Variants in ADK observed in about 807,000 individuals in gnomAD.
The protein encoded by ADK is adenosine kinase.
Under a neutral mutation model 44.7 loss-of-function variants are expected in ADK, and 24 were observed. The ratio of observed to expected loss-of-function variants is 0.54; its 90% CI spans 0.39 to 0.76. The LOEUF (loss-of-function observed/expected upper bound fraction) is 0.76. Ranked by LOEUF, ADK falls within the 30% of genes least tolerant of loss-of-function variation. The probability of loss-of-function intolerance (pLI) is 0.00; values close to 1 mark genes in which losing one functional copy is unlikely to be tolerated. For synonymous variants in ADK, 128 were observed against 142.6 expected, an observed-to-expected ratio of 0.90 and a Z score of 0.73; for missense variants, 321 against 425.1, an observed-to-expected ratio of 0.76 and a Z score of 2.15.
chr10:74,231,170 C>G (rs904813699), intron 3 of ADK, among the ~76,000 whole-genome samples: 1 of 152,198 alleles, frequency 6.6e-6, no homozygotes, highest in Non-Finnish European at 1.5e-5. Context: ...AGGCACTTTA[C>G]ATTCTTCTAA....
At chr10:74,413,699 A>G (rs1362084842) in intron 6 of ADK, among the ~76,000 whole-genome samples, 2 of 152,222 alleles carry the variant, frequency 1.3e-5, no homozygotes, top group East Asian at 3.9e-4. Context: ...AGCACTTTTA[A>G]TTTTCTTCAA....
chr10:74,199,520 G>A (rs991815660), intron 1 of ADK, among the ~76,000 whole-genome samples: 3 of 151,942 alleles, frequency 2.0e-5, no homozygotes, highest in Non-Finnish European at 4.4e-5. Flanking sequence ...ACATGATTTC[G>A]TTCTTTTTTT....
chr10:74,399,090 G>A (rs1456622220), intron 6 of ADK, among the ~76,000 whole-genome samples: 3 of 151,346 alleles, frequency 2.0e-5, no homozygotes, highest in African/African-American at 7.3e-5. Flanking sequence ...ACAAGGGCAG[G>A]GTGTAATTTG....
chr10:74,210,415 C>A (rs1271784120), intron 2 of ADK, among the ~76,000 whole-genome samples: 1 of 150,668 alleles, frequency 6.6e-6, no homozygotes, highest in Admixed American at 6.6e-5. Flanking sequence ...CAGATCTAAA[C>A]CTTTAATAAA....
intron 4 of ADK, chr10:74,372,394 G>C (rs1034390234): frequency 1.4e-6 from 1 of 727,228 alleles, no homozygotes; most frequent in Non-Finnish European, 2.5e-6. Context: ...GAATGGGTAG[G>C]AGCAAACACT....
At chr10:74,634,616 A>G (rs1233284210) in intron 9 of ADK, among the ~76,000 whole-genome samples, 1 of 152,138 alleles carries the variant, frequency 6.6e-6, no homozygotes, top group Non-Finnish European at 1.5e-5. Flanking sequence ...ATAGGTATGT[A>G]GAAATTATCA....
chr10:74,444,749 A>T (rs1385266175), intron 6 of ADK, among the ~76,000 whole-genome samples: 2 of 152,056 alleles, frequency 1.3e-5, no homozygotes, highest in Non-Finnish European at 2.9e-5. Flanking sequence ...AGCATCTAGC[A>T]GTGAGTTCAG....
intron 7 of ADK, among the ~76,000 whole-genome samples, chr10:74,582,675 A>C (rs1382506758): frequency 6.6e-6 from 1 of 152,078 alleles, no homozygotes; most frequent in African/African-American, 2.4e-5. Context: ...TTATTGAGGT[A>C]TAATTTATAT....
intron 2 of ADK, among the ~76,000 whole-genome samples, chr10:74,207,707 G>A (rs1048109805): frequency 6.6e-6 from 1 of 152,150 alleles, no homozygotes; most frequent in African/African-American, 2.4e-5. Context: ...TGGTCCATGG[G>A]CGGCTATGGG....
chr10:74,497,684 A>G (rs1847739485), intron 6 of ADK, among the ~76,000 whole-genome samples: 1 of 152,200 alleles, frequency 6.6e-6, no homozygotes, highest in South Asian at 2.1e-4. Context: ...AAAATAAACA[A>G]GATGAGTGCA....
chr10:74,295,704 A>T (rs1839787185), intron 3 of ADK, among the ~76,000 whole-genome samples: 1 of 151,814 alleles, frequency 6.6e-6, no homozygotes, highest in Non-Finnish European at 1.5e-5. Flanking sequence ...TGTTTGGTGG[A>T]ATTCACTGGT....
chr10:74,652,340 G>A (rs754284999), intron 9 of ADK, among the ~76,000 whole-genome samples: 1 of 151,602 alleles, frequency 6.6e-6, no homozygotes, highest in Non-Finnish European at 1.5e-5. Flanking sequence ...CAGCACACCT[G>A]GCCAGGAACT....
In ADK at chr10:74,266,925, T is replaced by C. The variant is rs534069612; in HGVS notation, c.194+42334T>C. 1.6e-4 allele frequency among the ~76,000 whole-genome samples: 25 copies of C among 152,318 alleles called. No homozygotes were observed. The East Asian group carries it at 4.6e-3, about 28-fold the overall frequency. ...CAATGTACAATTCCACTGAATTTTT[T>C]TGAAATACATATCCATGGGTTCCAC... On this transcript the variant is annotated intron_variant, in intron 3 of 10. Transcript: ENST00000539909.
At chr10:74,450,171 G>A (rs2126766) in intron 6 of ADK, among the ~76,000 whole-genome samples, 92,150 of 151,916 alleles carry the variant, frequency 0.61, 30,326 homozygotes, top group Middle Eastern at 0.78. Context: ...AAAATTAGCC[G>A]GACATGGTGG....
At chr10:74,212,849 CT>C (rs58729207) in intron 2 of ADK, among the ~76,000 whole-genome samples, 152,280 of 152,296 alleles carry the variant, frequency 1, 76,132 homozygotes, top group Non-Finnish European at 1. Flanking sequence ...TGCAGTAATA[CT>C]TTTCGTGTTA....
intron 1 of ADK, among the ~76,000 whole-genome samples, chr10:74,178,660 T>A (rs555387225): frequency 6.6e-6 from 1 of 152,358 alleles, no homozygotes; most frequent in East Asian, 1.9e-4. Context: ...TAGTTTTTTT[T>A]AAAAGACTGA....
chr10:74,426,077 A>G (rs1482662595), intron 6 of ADK, among the ~76,000 whole-genome samples: 1 of 152,290 alleles, frequency 6.6e-6, no homozygotes, highest in East Asian at 1.9e-4. Context: ...CCTATCATAT[A>G]TGTTCATTTT....
intron 1 of ADK, chr10:74,176,509 A>G: frequency 8.4e-7 from 1 of 1,192,062 alleles, no homozygotes; most frequent in Non-Finnish European, 1.0e-6. Flanking sequence ...TGGGGCGGGC[A>G]CCCAATCTCT....
At chr10:74,156,770 C>T (rs1176517261) in intron 1 of ADK, among the ~76,000 whole-genome samples, 1 of 152,078 alleles carries the variant, frequency 6.6e-6, no homozygotes, top group Non-Finnish European at 1.5e-5. Context: ...TGGCTACTTG[C>T]CCCATACCTC....
Sources: allele counts gnomAD v4.1 joint callset (sites outside exome capture counted in the v4.1 genomes callset), GRCh38; gene constraint gnomAD v4.1.1; transcripts MANE v1.5; gene names NCBI Gene and HGNC (gene_info 2026-07-23, HGNC 2026-07-21).